Variants in ATP2A2 observed in about 807,000 individuals in gnomAD.
ATP2A2 encodes the protein ATPase sarcoplasmic/endoplasmic reticulum Ca2+ transporting 2.
Under a neutral mutation model 109.3 loss-of-function variants are expected in ATP2A2, and 14 were observed. The ratio of observed to expected loss-of-function variants is 0.13; its 90% CI spans 0.08 to 0.20. The LOEUF (loss-of-function observed/expected upper bound fraction) is 0.20. Ranked by LOEUF, ATP2A2 falls within the 10% of genes least tolerant of loss-of-function variation. ATP2A2 has a pLI of 1.00. For missense variants in ATP2A2, 657 were observed against 1,321.6 expected (o/e 0.50, Z 7.80); for synonymous variants, 506 against 490.9 (o/e 1.03, Z -0.41).
Position 110,327,797 on chromosome 12 carries a change from C to G in ATP2A2, c.875C>G (p.Ala292Gly), listed in dbSNP as rs1205272342. The G allele has an allele frequency of 6.2e-7, 1 of 1,614,016 alleles. No homozygotes were observed. Among genetic ancestry groups the G allele is most frequent in the Non-Finnish European group, 8.5e-7 (1 of 1,180,040 alleles). ...CATGGAGGGTCCTGGATCAGAGGTG[C>G]TATTTACTACTTTAAAATTGCAGTG... Reference protein sequence around the residue: ...PVHGGSWIRGAIYYFKIAVAL... With the variant: ...PVHGGSWIRGGIYYFKIAVAL... Residue 292 changes from alanine to glycine, a missense_variant, in exon 8 of 20, where the codon GCT (alanine) becomes GGT (glycine). Ala to Gly is a moderately conservative substitution (Grantham distance 60). This residue lies in a region of ATP2A2 where 136 missense variants were observed against 343.9 expected (regional missense o/e 0.40). Coordinates refer to ENST00000539276, the MANE Select transcript of ATP2A2 (RefSeq NM_170665.4). This position sits in a 1 kb window ranked among gnomAD's most constrained non-coding sequence, Gnocchi z 4.4.
At chr12:110,328,157 T>C in intron 8 of ATP2A2, 140 bp downstream of exon 8, 1 of 860,128 alleles carries the variant, frequency 1.2e-6, no homozygotes, top group Middle Eastern at 3.4e-4. Context: ...TAATTTCTAA[T>C]ATTTGAGAGG....
intron 5 of ATP2A2, among the ~76,000 whole-genome samples, chr12:110,322,103 G>T (rs756328789): frequency 6.6e-6 from 1 of 152,048 alleles, no homozygotes; most frequent in African/African-American, 2.4e-5. Flanking sequence ...CCATTCTCCT[G>T]CCTCAGCCTC....
Position 110,347,757 on chromosome 12 carries a change from T to C in ATP2A2, c.*1287T>C. 1.9e-6 allele frequency: 2 copies of C among 1,073,002 alleles called. No homozygotes were observed. Among genetic ancestry groups the C allele is most frequent in the Non-Finnish European group, 2.3e-6 (2 of 880,876 alleles). 66.5% of individuals were successfully genotyped at this position (1,073,002 alleles called of 1,614,324 possible). ...TCATTAACAGTCCTAACTGTGGTGT[T>C]TTCCTCCAATGCCTTCCAACATCCA... is the stretch of plus-strand genomic sequence containing the variant. On this transcript the variant is annotated 3_prime_UTR_variant, in exon 20 of 20. Coordinates refer to ENST00000539276, the MANE Select transcript of ATP2A2 (RefSeq NM_170665.4).
chr12:110,345,333 A>G lies in ATP2A2; in HGVS notation c.2692A>G (p.Met898Val), dbSNP rs778579018. ...AIFESPYPMT[M>V]ALSVLVTIEM... The stretch of plus-strand genomic sequence containing the variant: ...CTTTGAATCCCCATACCCGATGACA[A>G]TGGCGCTCTCTGTTCTAGTAACTAT... Residue 898 changes from methionine (M) to valine (V), a missense_variant, in exon 18 of 20, where the codon ATG becomes GTG. By Grantham distance (21) the Met-to-Val change is conservative. Transcript: ENST00000539276. 2.5e-6 allele frequency: 4 copies of G among 1,614,188 alleles called. No homozygotes were observed. The highest frequency in any genetic ancestry group is 2.5e-6 in the Non-Finnish European group (3 of 1,180,026).
chr12:110,350,154 T>C lies in ATP2A2; in HGVS notation c.*3684T>C. The C allele has an allele frequency of 1.3e-6, 2 of 1,568,582 alleles. No homozygotes were observed. Among genetic ancestry groups the C allele is most frequent in the Non-Finnish European group, 1.7e-6 (2 of 1,156,940 alleles). Reference sequence around the variant, plus strand: ...CTCAGGGACAGTAAATCAGAAATGCTGGTCTTGAAACCTTGAAAAGATCAA... The same window carrying C: ...CTCAGGGACAGTAAATCAGAAATGCCGGTCTTGAAACCTTGAAAAGATCAA... On this transcript the variant is annotated 3_prime_UTR_variant, in exon 20 of 20. Transcript: ENST00000539276.
intron 5 of ATP2A2, among the ~76,000 whole-genome samples, chr12:110,320,217 A>T (rs1409249777): frequency 6.6e-6 from 1 of 152,194 alleles, no homozygotes; most frequent in Non-Finnish European, 1.5e-5. Context: ...TAAATATTAG[A>T]TTTGTTGACC....
chr12:110,325,627 CAAAAA>C (rs902274593), intron 6 of ATP2A2, among the ~76,000 whole-genome samples: 1 of 122,004 alleles, frequency 8.2e-6, no homozygotes, highest in African/African-American at 3.1e-5. Context: ...GACTCCGTCT[CAAAAA>C]AAAAAAAAAA....
intron 5 of ATP2A2, among the ~76,000 whole-genome samples, chr12:110,310,907 G>A (rs1875959921): frequency 6.6e-6 from 1 of 152,228 alleles, no homozygotes; most frequent in Admixed American, 6.5e-5. Flanking sequence ...AAGCAGTTGA[G>A]TAAAAGGCAG....
rs1208241181 is a variant in ATP2A2 at position 110,347,387 on chromosome 12, C to G, written c.*917C>G. The stretch of plus-strand genomic sequence containing the variant: ...GACTAACAGACATGTCCAACTTTCT[C>G]TCCAGTTCTTAGCTCAGAACTTTAG... On this transcript the variant is annotated 3_prime_UTR_variant, in exon 20 of 20. Transcript: ENST00000539276. 6.2e-6 allele frequency: 8 copies of G among 1,289,042 alleles called. No homozygotes were observed. In the East Asian group the frequency reaches 4.4e-4, roughly 72 times the overall value. The allele number at this position is 1,289,042 out of a possible 1,614,324, so 79.9% of individuals were successfully genotyped here.
intron 6 of ATP2A2, chr12:110,326,117 AC>A (rs1267822914): frequency 2.0e-6 from 1 of 499,690 alleles, no homozygotes; most frequent in Non-Finnish European, 3.6e-6. Context: ...TTGAATAGTT[AC>A]TCCAGAAAAT....
intron 8 of ATP2A2, among the ~76,000 whole-genome samples, chr12:110,328,596 C>G (rs1007816735): frequency 6.6e-6 from 1 of 152,118 alleles, no homozygotes; most frequent in South Asian, 2.1e-4. Context: ...AAGACAAGGT[C>G]TCATTCTGTT....
intron 5 of ATP2A2, among the ~76,000 whole-genome samples, chr12:110,300,486 C>T (rs1406972263): frequency 6.6e-6 from 1 of 151,282 alleles, no homozygotes; most frequent in Non-Finnish European, 1.5e-5. Context: ...TCCCCAGTAG[C>T]TGTGACTGCA....
rs993027384 is a variant in ATP2A2, at chr12:110,349,262, C to T, written c.*2792C>T. 1.0e-6 allele frequency: 1 copy of T among 985,580 alleles called. No homozygotes were observed. Among genetic ancestry groups the T allele is most frequent in the Non-Finnish European group, 1.2e-6 (1 of 830,016 alleles). 61.1% of individuals were successfully genotyped at this position (985,580 alleles called of 1,614,324 possible). ...CGTGGTCTTGGCACATCCCTGGCCT[C>T]AGGCCCTCACCTAACAGTGAGGCAG... On this transcript the variant is annotated 3_prime_UTR_variant, in exon 20 of 20. Coordinates refer to ENST00000539276, the MANE Select transcript of ATP2A2 (RefSeq NM_170665.4).
At chr12:110,326,227 A>G in intron 6 of ATP2A2, 163 bp from the exon 7 acceptor site, 2 of 668,282 alleles carry the variant, frequency 3.0e-6, no homozygotes, top group Non-Finnish European at 5.4e-6. Flanking sequence ...TTCCATTACT[A>G]AGTTTTCCCA....
Position 110,346,680 on chromosome 12 carries a change from C to T in ATP2A2, c.*210C>T, listed in dbSNP as rs1404436724. 15 of 1,430,588 alleles carry T rather than the reference C, an allele frequency of 1.0e-5. No individual in the cohort carries two copies. Among genetic ancestry groups the T allele is most frequent in the Non-Finnish European group, 9.1e-6 (10 of 1,099,316 alleles). 88.6% of individuals were successfully genotyped at this position (1,430,588 alleles called of 1,614,324 possible). A position where few individuals can be genotyped will look rare whatever the true frequency, so the allele number is the denominator to read the frequency against. On this transcript the variant is annotated 3_prime_UTR_variant, in exon 20 of 20. Transcript: ENST00000539276. ...TAATTAAAGTGTCCATTGACATGTA[C>T]AGAGAACTAACACTATTTTATGCAA...
rs1351159289 is a variant in ATP2A2, at chr12:110,296,676, A to T, written c.402A>T (p.Arg134Ser). 6.2e-7 allele frequency: 1 copy of T among 1,614,192 alleles called. No homozygotes were observed. Among genetic ancestry groups the T allele is most frequent in the Non-Finnish European group, 8.5e-7 (1 of 1,180,034 alleles). ...TGGGCAAAGTGTATCGACAGGACAG[A>T]AAGAGTGTGCAGCGGATTAAAGCTA... ...PEMGKVYRQD[R>S]KSVQRIKAKD... Residue 134 changes from arginine (R) to serine (S), a missense_variant, in exon 5 of 20, where the codon AGA becomes AGT. Physicochemically the swap from Arg to Ser is moderately radical, Grantham distance 110. Around this residue, in one of 9 missense-constraint regions of ATP2A2, gnomAD observed 136 missense variants for 343.9 expected, o/e 0.40. Transcript: ENST00000539276.
In ATP2A2 at chr12:110,334,162, TTTA is replaced by T; in HGVS notation, c.1419+22_1419+24del. 13 of 1,613,442 alleles carry T rather than the reference TTTA, an allele frequency of 8.1e-6. No individual in the cohort carries two copies. The highest frequency in any genetic ancestry group is 1.1e-5 in the Non-Finnish European group (13 of 1,179,966). The stretch of plus-strand genomic sequence containing the variant: ...CAACTCAGTGAGTATTTGAACCTGG[TTTA>T]TTGTTCATGCTGCTTATCAGTCGTA... On this transcript the variant is annotated intron_variant, in intron 11 of 19. Transcript: ENST00000539276.
chr12:110,347,888 T>C lies in ATP2A2; in HGVS notation c.*1418T>C. ...GTCACTAACTTATAAGCCGCCTCCA[T>C]GGCAGATGCTGCTGTGCTCCCTGAT... On this transcript the variant is annotated 3_prime_UTR_variant, in exon 20 of 20. Coordinates refer to ENST00000539276, the MANE Select transcript of ATP2A2 (RefSeq NM_170665.4). 6.0e-6 allele frequency: 6 copies of C among 997,978 alleles called. No individual in the cohort carries two copies. Among genetic ancestry groups the C allele is most frequent in the Non-Finnish European group, 7.2e-6 (6 of 837,506 alleles). 61.8% of individuals were successfully genotyped at this position (997,978 alleles called of 1,614,324 possible). A position where few individuals can be genotyped will look rare whatever the true frequency, so the allele number is the denominator to read the frequency against.
chr12:110,313,436 C>T (rs181739715), intron 5 of ATP2A2, among the ~76,000 whole-genome samples: 31 of 151,296 alleles, frequency 2.0e-4, no homozygotes, highest in African/African-American at 6.3e-4. Flanking sequence ...CCTCAGCCTC[C>T]CCGTTAGCTG....
Sources: gnomAD v4.1 joint callset for allele counts (sites outside exome capture counted in the v4.1 genomes callset) on GRCh38, gnomAD v4.1.1 for gene constraint, gnomAD v4.1.1 regional missense constraint, Gnocchi (gnomAD v3.1) non-coding constraint, MANE v1.5 for transcripts, NCBI Gene and HGNC (gene_info 2026-07-23, HGNC 2026-07-21) for gene names.